GLRA3: variants seen among roughly 807,000 people sequenced by gnomAD.
GLRA3 encodes glycine receptor alpha 3, also known as glycine receptor subunit alpha-3.
GLRA3 carries 44 observed loss-of-function variants against 60.4 expected under a neutral mutation model. The observed-to-expected ratio is 0.73, with a 90% CI of 0.57 to 0.94. The LOEUF (loss-of-function observed/expected upper bound fraction) is 0.94. Among genes scored for constraint, GLRA3 ranks in the 40% least tolerant of loss-of-function variants. GLRA3 has a pLI of 0.00. For missense variants in GLRA3, 508 were observed against 564.6 expected, an observed-to-expected ratio of 0.90 and a Z score of 1.02; for synonymous variants, 223 against 192.9, an observed-to-expected ratio of 1.16 and a Z score of -1.29.
chr4:174,650,685 T>C (rs181330236), intron 9 of GLRA3, among the ~76,000 whole-genome samples: 3 of 152,308 alleles, frequency 2.0e-5, no homozygotes, highest in African/African-American at 7.2e-5. Flanking sequence ...AAATAGTGTA[T>C]TCAAGACCAA....
chr4:174,721,508 T>C (rs1412837375), intron 4 of GLRA3, among the ~76,000 whole-genome samples: 1 of 151,432 alleles, frequency 6.6e-6, no homozygotes, highest in Admixed American at 6.6e-5. Flanking sequence ...AATAATTATG[T>C]TACAAATTTC....
intron 7 of GLRA3, among the ~76,000 whole-genome samples, chr4:174,662,143 G>A (rs1044248300): frequency 6.6e-6 from 1 of 152,128 alleles, no homozygotes; most frequent in Non-Finnish European, 1.5e-5. Flanking sequence ...AGCATATCTT[G>A]CAAGCAATGC....
chr4:174,798,764 A>G (rs1479547146), intron 1 of GLRA3, among the ~76,000 whole-genome samples: 1 of 152,148 alleles, frequency 6.6e-6, no homozygotes, highest in African/African-American at 2.4e-5. Context: ...CTCTACTAAA[A>G]ATACAAAAAA....
intron 1 of GLRA3, among the ~76,000 whole-genome samples, chr4:174,815,702 A>G (rs1044384017): frequency 6.6e-6 from 1 of 152,160 alleles, no homozygotes; most frequent in Non-Finnish European, 1.5e-5. Flanking sequence ...AATGGCTGGA[A>G]TTGTTGGGAT....
chr4:174,821,030 T>C (rs1740722130), intron 1 of GLRA3, among the ~76,000 whole-genome samples: 1 of 152,194 alleles, frequency 6.6e-6, no homozygotes, highest in Non-Finnish European at 1.5e-5. Flanking sequence ...AACTAAAAGT[T>C]AACTTTAAGA....
chr4:174,801,030 C>T (rs1188584399), intron 1 of GLRA3, among the ~76,000 whole-genome samples: 3 of 152,020 alleles, frequency 2.0e-5, no homozygotes, highest in Admixed American at 6.6e-5. Flanking sequence ...TGTAAGTGTA[C>T]TCAGCATGTT....
chr4:174,719,677 T>C (rs1193973750), intron 4 of GLRA3, among the ~76,000 whole-genome samples: 3 of 152,144 alleles, frequency 2.0e-5, no homozygotes, highest in Non-Finnish European at 4.4e-5. Context: ...TTCTGTAACC[T>C]ACTTCTGGAG....
At chr4:174,796,177 T>G (rs1043458465) in intron 1 of GLRA3, among the ~76,000 whole-genome samples, 3 of 152,032 alleles carry the variant, frequency 2.0e-5, no homozygotes, top group Non-Finnish European at 2.9e-5. Context: ...CCCCAGAGAT[T>G]TTCCTTGCCC....
intron 1 of GLRA3, 38 bp from the exon 2 acceptor site, chr4:174,788,981 A>G (rs758444793): frequency 2.2e-6 from 3 of 1,364,424 alleles, no homozygotes; most frequent in Non-Finnish European, 1.0e-6. Flanking sequence ...TTACAAAAAG[A>G]AGTATTTCTA....
chr4:174,679,148 G>A (rs141019707), intron 6 of GLRA3, among the ~76,000 whole-genome samples: 25 of 152,128 alleles, frequency 1.6e-4, no homozygotes, highest in East Asian at 7.7e-4. Context: ...TGGCTAACCC[G>A]GTGCAACCCC....
At chr4:174,772,835 T>C (rs6830550) in intron 2 of GLRA3, among the ~76,000 whole-genome samples, 113,545 of 151,970 alleles carry the variant, frequency 0.75, 42,788 homozygotes, top group East Asian at 1. Context: ...GATAATAGTC[T>C]GGGATGGGGA....
At chr4:174,690,419 G>A (rs934287419) in intron 5 of GLRA3, among the ~76,000 whole-genome samples, 1 of 152,130 alleles carries the variant, frequency 6.6e-6, no homozygotes, top group African/African-American at 2.4e-5. Context: ...TCAAAACAGA[G>A]TCCAAAATCA....
In GLRA3 at chr4:174,640,771, A is replaced by G. The variant is rs1732605841; in HGVS notation, c.*3015T>C. The G allele has an allele frequency of 6.6e-6, 1 of 152,058 alleles. No individual in the cohort carries two copies. Among genetic ancestry groups the G allele is most frequent in the South Asian group, 2.1e-4 (1 of 4,830 alleles). The allele number at this position is 152,058 out of a possible 1,614,324, so 9.4% of individuals were successfully genotyped here. A position where few individuals can be genotyped will look rare whatever the true frequency, so the allele number is the denominator to read the frequency against. ...GCAATTAAATTCCAAATTAAGATAA[A>G]AGTTATTAGAATATATCAACAGAAT... On this transcript the variant is annotated 3_prime_UTR_variant, in exon 10 of 10. Coordinates refer to ENST00000274093, the MANE Select transcript of GLRA3 (RefSeq NM_006529.4).
chr4:174,642,985 A>G lies in GLRA3; in HGVS notation c.*801T>C, dbSNP rs2110833052. On this transcript the variant is annotated 3_prime_UTR_variant, in exon 10 of 10. Coordinates refer to ENST00000274093, the MANE Select transcript of GLRA3 (RefSeq NM_006529.4). ...ACAGTTAAGTAGCTATTAAAAGTCT[A>G]ACAAAAACAAGGGTGCTGGCTTGAA... 1 of 888,986 alleles carries G rather than the reference A, an allele frequency of 1.1e-6. No homozygotes were observed. Among genetic ancestry groups the G allele is most frequent in the East Asian group, 1.2e-4 (1 of 8,390 alleles). 55.1% of individuals were successfully genotyped at this position (888,986 alleles called of 1,614,324 possible). A position where few individuals can be genotyped will look rare whatever the true frequency, so the allele number is the denominator to read the frequency against.
intron 3 of GLRA3, among the ~76,000 whole-genome samples, chr4:174,730,274 T>C (rs958422123): frequency 6.6e-6 from 1 of 152,128 alleles, no homozygotes; most frequent in African/African-American, 2.4e-5. Flanking sequence ...CACAGCTCCA[T>C]GGTTGGTGGC....
At chr4:174,651,086 A>G (rs1301387648) in intron 9 of GLRA3, among the ~76,000 whole-genome samples, 2 of 152,194 alleles carry the variant, frequency 1.3e-5, no homozygotes, top group East Asian at 1.9e-4. Flanking sequence ...AGCTGAATAT[A>G]CTATTAAGGG....
At chr4:174,784,689 T>A (rs1176307103) in intron 2 of GLRA3, among the ~76,000 whole-genome samples, 2 of 152,130 alleles carry the variant, frequency 1.3e-5, no homozygotes, top group Non-Finnish European at 2.9e-5. Context: ...TGAGTGATAT[T>A]TTCAGCTTTA....
At chr4:174,667,621 A>C (rs1733731595) in intron 7 of GLRA3, among the ~76,000 whole-genome samples, 1 of 152,164 alleles carries the variant, frequency 6.6e-6, no homozygotes, top group Admixed American at 6.6e-5. Context: ...CACTAACTTA[A>C]CCTAAGACAG....
At chr4:174,728,722 G>GAAA in intron 3 of GLRA3, 24 bp from the exon 4 acceptor site, 1 of 1,218,262 alleles carries the variant, frequency 8.2e-7, no homozygotes, top group Non-Finnish European at 1.1e-6. Flanking sequence ...ATGAAAGAAA[G>GAAA]AAAAAAAAAA....
Sources: gnomAD v4.1 joint callset for allele counts (sites outside exome capture counted in the v4.1 genomes callset) on GRCh38, gnomAD v4.1.1 for gene constraint, MANE v1.5 for transcripts, NCBI Gene and HGNC (gene_info 2026-07-23, HGNC 2026-07-21) for gene names.